CCDC74A: variants seen among roughly 807,000 people sequenced by gnomAD.
CCDC74A encodes coiled-coil domain containing 74A.
Under a neutral mutation model 37.6 loss-of-function variants are expected in CCDC74A, and 38 were observed. The observed-to-expected ratio is 1.01, with a 90% CI of 0.78 to 1.33. The LOEUF is 1.33. Ranked by LOEUF, CCDC74A falls within the 40% of genes most tolerant of loss-of-function variation. CCDC74A has a pLI of 0.00. For synonymous variants in CCDC74A, 134 were observed against 165.2 expected, an observed-to-expected ratio of 0.81 and a Z score of 1.45; for missense variants, 340 against 403.4, an observed-to-expected ratio of 0.84 and a Z score of 1.35.
Position 131,530,346 on chromosome 2 carries a change from A to G in CCDC74A, c.296-431A>G, listed in dbSNP as rs1300205207. The G allele has an allele frequency of 7.8e-6, 12 of 1,545,534 alleles. No individual in the cohort carries two copies. In the East Asian group the frequency reaches 1.7e-4, roughly 22 times the overall value. On this transcript the variant is annotated intron_variant, in intron 2 of 7. Transcript: ENST00000409856. ...GATGGAGCCAGCCTGGGAACATCGCAGCTGGGGCAGTGCCTAGGGCTCTCC... is the reference window on the plus strand; with the variant it reads ...GATGGAGCCAGCCTGGGAACATCGCGGCTGGGGCAGTGCCTAGGGCTCTCC...
chr2:131,526,060 C>G (rs1382382213), upstream of CCDC74A, among the ~76,000 whole-genome samples: 1 of 151,878 alleles, frequency 6.6e-6, no homozygotes, highest in Non-Finnish European at 1.5e-5. Flanking sequence ...AAGTGATTCA[C>G]CCACCTCAGC....
chr2:131,528,716 C>T, intron 1 of CCDC74A: 2 of 385,122 alleles, frequency 5.2e-6, no homozygotes, highest in Non-Finnish European at 5.0e-6. Flanking sequence ...GAGGCTGAAG[C>T]AGGAGAATGG....
At chr2:131,530,061 C>T (rs1187056299) in intron 2 of CCDC74A, 1 of 1,550,426 alleles carries the variant, frequency 6.4e-7, no homozygotes, top group African/African-American at 1.4e-5. Flanking sequence ...GGATTTCCAG[C>T]CCTATGGCTC....
At chr2:131,527,825 G>A (rs1680430471), upstream of CCDC74A, 1 of 1,171,048 alleles carries the variant, frequency 8.5e-7, no homozygotes, top group African/African-American at 1.6e-5. Context: ...TACTCACCCA[G>A]GAAGAGCCAG....
Position 131,533,289 on chromosome 2 carries a change from A to T in CCDC74A, c.830A>T (p.Glu277Val), listed in dbSNP as rs1002451070. The T allele has an allele frequency of 4.3e-6, 7 of 1,613,110 alleles. No individual in the cohort carries two copies. In the Admixed American group the frequency reaches 1.2e-4, roughly 27 times the overall value. The stretch of plus-strand genomic sequence containing the variant: ...CCCAGCCTGAGCCCACCTGTGGCGG[A>T]GCGTGCCATCCTGCCCGCACTGAAG... The part of the protein sequence containing the change: ...SKKCLSPPVA[E>V]RAILPALKQT... The change falls in exon 8 of 8, where the codon GAG becomes GTG. Residue 277 changes from glutamate to valine, a missense_variant. Physicochemically the swap from Glu to Val is moderately radical, Grantham distance 121. Coordinates refer to ENST00000409856, the MANE Select transcript of CCDC74A (RefSeq NM_001258306.3).
In CCDC74A at chr2:131,531,736, T is replaced by C. The variant is rs374861718; in HGVS notation, c.419T>C (p.Leu140Pro). ...GCTGACGTCTCCCAGAAGGCGGACCTGGAAGAGGAGCCCCTACTTCACAAC... is the reference window on the plus strand; with the variant it reads ...GCTGACGTCTCCCAGAAGGCGGACCCGGAAGAGGAGCCCCTACTTCACAAC... ...SKADVSQKAD[L>P]EEEPLLHNSK... The change falls in exon 4 of 8, where the codon CTG becomes CCG. Residue 140 changes from leucine (L) to proline (P), a missense_variant. Coordinates refer to ENST00000409856, the MANE Select transcript of CCDC74A (RefSeq NM_001258306.3). 4 of 1,520,696 alleles carry C rather than the reference T, an allele frequency of 2.6e-6. No individual in the cohort carries two copies. Among genetic ancestry groups the C allele is most frequent in the African/African-American group, 1.6e-5 (1 of 60,856 alleles). The allele number at this position is 1,520,696 out of a possible 1,614,324, so 94.2% of individuals were successfully genotyped here.
upstream of CCDC74A, among the ~76,000 whole-genome samples, chr2:131,525,117 T>C (rs2104770082): frequency 6.6e-6 from 1 of 152,246 alleles, no homozygotes; most frequent in South Asian, 2.1e-4. Context: ...CCATAAACCA[T>C]AATTACTGAA....
chr2:131,528,673 T>G (rs1680636197), intron 1 of CCDC74A: 1 of 460,076 alleles, frequency 2.2e-6, no homozygotes, highest in Non-Finnish European at 4.0e-6. Context: ...TAGCTAGGCG[T>G]GGTGGTGGGC....
Position 131,528,927 on chromosome 2 carries a change from C to G in CCDC74A, c.250+707C>G, listed in dbSNP as rs962852544. 4.1e-5 allele frequency among the ~76,000 whole-genome samples: 6 copies of G among 144,682 alleles called. No individual in the cohort carries two copies. In the South Asian group the frequency reaches 7.4e-4, roughly 18 times the overall value. 94.9% of individuals were successfully genotyped at this position (144,682 alleles called of 152,430 possible). ...CAGGAGCAGGCATTCCCCCGCCCCC[C>G]ACCCCGTCCCCGCTTCGCCTGTGCC... On this transcript the variant is annotated intron_variant, in intron 1 of 7. Transcript: ENST00000409856.
intron 4 of CCDC74A, among the ~76,000 whole-genome samples, chr2:131,532,066 A>G (rs201227273): frequency 0.037 from 4,994 of 134,718 alleles, 126 homozygotes; most frequent in Non-Finnish European, 0.055. Context: ...GGCCAGTAGC[A>G]GCCCCTAAAC....
chr2:131,528,153 G>A lies in CCDC74A; in HGVS notation c.183G>A (p.Gln61=). The A allele has an allele frequency of 6.2e-7, 1 of 1,613,928 alleles. No individual in the cohort carries two copies. The change falls in exon 1 of 8, where the codon CAG becomes CAA. Residue 61 remains glutamine, a synonymous_variant. Transcript: ENST00000409856. Reference sequence around the variant, plus strand: ...TGGAGAAAAGCCTGCAGTTCCTGCAGCAGCAGCACTCGGAGATGCTGGCCA... The same window carrying A: ...TGGAGAAAAGCCTGCAGTTCCTGCAACAGCAGCACTCGGAGATGCTGGCCA... ...LDLEKSLQFL[Q]QQHSEMLAKL...
At chr2:131,525,966 C>T (rs1383212391), upstream of CCDC74A, among the ~76,000 whole-genome samples, 1 of 151,452 alleles carries the variant, frequency 6.6e-6, no homozygotes, top group Admixed American at 6.6e-5. Flanking sequence ...GATCCGCCCG[C>T]CTCGGCCTCC....
At position 131,528,127 on chromosome 2, in the gene CCDC74A, C is replaced by T. The variant is rs748492716; in HGVS notation, c.157C>T (p.Leu53=). The T allele has an allele frequency of 6.2e-7, 1 of 1,613,904 alleles. No homozygotes were observed. Among genetic ancestry groups the T allele is most frequent in the Non-Finnish European group, 8.5e-7 (1 of 1,179,838 alleles). ...QSDPQKRNLD[L]EKSLQFLQQQ... The stretch of plus-strand genomic sequence containing the variant: ...CGACCCGCAGAAACGGAACCTGGAC[C>T]TGGAGAAAAGCCTGCAGTTCCTGCA... The change falls in exon 1 of 8, where the codon CTG becomes TTG. Residue 53 remains leucine (L), a synonymous_variant. Transcript: ENST00000409856.
At chr2:131,531,903 T>G in intron 4 of CCDC74A, 101 bp downstream of exon 4, 1 of 1,410,268 alleles carries the variant, frequency 7.1e-7, no homozygotes, top group Middle Eastern at 2.6e-4. Flanking sequence ...CGCCCTGCAG[T>G]CAGCCAACTG....
Position 131,528,220 on chromosome 2 carries a change from G to T in CCDC74A, c.250G>T (p.Asp84Tyr), listed in dbSNP as rs1182907734. The T allele has an allele frequency of 1.2e-6, 2 of 1,611,976 alleles. No homozygotes were observed. Among genetic ancestry groups the T allele is most frequent in the Non-Finnish European group, 1.7e-6 (2 of 1,179,284 alleles). ...CGAGCATCTGAAGCGGGAAAACAAG[G>T]GTGAGCCGGCGCGGGGCCCTAGGCC... The part of the protein sequence containing the change: ...EIEHLKRENK[D>Y]LHYKLIMNQT... The change falls in exon 1 of 8, where the codon GAT (aspartate) becomes TAT (tyrosine). Residue 84 changes from aspartate (D) to tyrosine (Y), a missense_variant and splice_region_variant. Asp to Tyr is a radical substitution (Grantham distance 160). Transcript: ENST00000409856.
At chr2:131,529,865 T>C (rs772849850) in intron 2 of CCDC74A, 174 bp downstream of exon 2, 48 of 1,495,408 alleles carry the variant, frequency 3.2e-5, no homozygotes, top group Admixed American at 4.6e-5. Context: ...GACGATGTTA[T>C]GCAGCCAAGC....
chr2:131,532,499 T>C, intron 4 of CCDC74A, 90 bp from the exon 5 acceptor site: 10 of 1,438,372 alleles, frequency 7.0e-6, no homozygotes, highest in Non-Finnish European at 8.4e-6. Context: ...TTCCCCACAT[T>C]GGCCTGGGCG....
intron 2 of CCDC74A, chr2:131,529,973 C>G (rs1394319718): frequency 6.6e-7 from 1 of 1,514,448 alleles, no homozygotes; most frequent in Non-Finnish European, 8.9e-7. Flanking sequence ...CCAAGTAGAG[C>G]TGAAATGGGA....
chr2:131,523,855 G>T (rs1479513227), upstream of CCDC74A, among the ~76,000 whole-genome samples: 16 of 151,010 alleles, frequency 1.1e-4, no homozygotes, highest in South Asian at 8.5e-4. Context: ...CACACTGCAT[G>T]TGTTTAGGAA....
Sources: allele counts gnomAD v4.1 joint callset (sites outside exome capture counted in the v4.1 genomes callset), GRCh38; gene constraint gnomAD v4.1.1; transcripts MANE v1.5; gene names NCBI Gene and HGNC (gene_info 2026-07-23, HGNC 2026-07-21).